The following ZBTB38 variants were observed in gnomAD, a reference collection of about 807,000 sequenced individuals.
ZBTB38 encodes zinc finger and BTB domain containing 38.
ZBTB38 carries 20 observed loss-of-function variants against 76.8 expected under a neutral mutation model. That is an observed-to-expected ratio of 0.26 (90% CI 0.18 to 0.38). The LOEUF (loss-of-function observed/expected upper bound fraction) is 0.38. Ranked by LOEUF, ZBTB38 falls within the 10% of genes least tolerant of loss-of-function variation. The probability of loss-of-function intolerance (pLI) is 1.00; values close to 1 mark genes in which losing one functional copy is unlikely to be tolerated. For synonymous variants in ZBTB38, 504 were observed against 544.2 expected (o/e 0.93, Z 1.03); for missense variants, 1,082 against 1,482.3 (o/e 0.73, Z 4.43).
intron 5 of ZBTB38, among the ~76,000 whole-genome samples, chr3:141,427,331 T>C (rs2076594244): frequency 6.6e-6 from 1 of 152,136 alleles, no homozygotes; most frequent in Non-Finnish European, 1.5e-5. Context: ...GAAGGAAAAG[T>C]ATGCTAAAAA....
chr3:141,351,474 T>C (rs893342512), intron 1 of ZBTB38, among the ~76,000 whole-genome samples: 1 of 151,910 alleles, frequency 6.6e-6, no homozygotes, highest in African/African-American at 2.4e-5. Context: ...GTTCCCTCCC[T>C]AGGACTTTGG....
intron 5 of ZBTB38, among the ~76,000 whole-genome samples, chr3:141,428,666 G>T (rs1281429281): frequency 6.6e-6 from 1 of 152,078 alleles, no homozygotes; most frequent in Admixed American, 6.6e-5. Context: ...AGTAGAGACG[G>T]GGTTTCACCA....
At chr3:141,401,348 T>G (rs1467804247) in intron 4 of ZBTB38, among the ~76,000 whole-genome samples, 1 of 151,640 alleles carries the variant, frequency 6.6e-6, no homozygotes, top group East Asian at 1.9e-4. Flanking sequence ...TGTGTATGCA[T>G]GTTGCCCAAA....
At chr3:141,433,959 T>C (rs549554590) in intron 5 of ZBTB38, among the ~76,000 whole-genome samples, 1 of 152,222 alleles carries the variant, frequency 6.6e-6, no homozygotes, top group Non-Finnish European at 1.5e-5. Flanking sequence ...CAATCCTACA[T>C]TCTTAGAACT....
In ZBTB38 at chr3:141,335,513, C is replaced by T. The variant is rs183595350; in HGVS notation, c.-739+11057C>T. 1.1e-3 allele frequency among the ~76,000 whole-genome samples: 160 copies of T among 152,322 alleles called. 2 individuals are homozygous for T. The highest frequency in any genetic ancestry group is 3.4e-3 in the Middle Eastern group (1 of 294). The stretch of plus-strand genomic sequence containing the variant: ...GAATGTTCCTCATAACTTTTCCCAG[C>T]CCTGGAGCACAGATAACCTACAAGA... On this transcript the variant is annotated intron_variant, in intron 1 of 7. Coordinates refer to the ZBTB38 transcript ENST00000509842.
intron 5 of ZBTB38, among the ~76,000 whole-genome samples, chr3:141,436,385 T>C (rs575664939): frequency 5.9e-5 from 9 of 152,300 alleles, no homozygotes; most frequent in African/African-American, 2.2e-4. Context: ...TGATAAATCC[T>C]TGGGCAGGCA....
intron 1 of ZBTB38, among the ~76,000 whole-genome samples, chr3:141,345,022 G>A (rs1453892211): frequency 6.6e-6 from 1 of 152,192 alleles, no homozygotes; most frequent in Admixed American, 6.5e-5. Context: ...TGAGAGGGGA[G>A]GCAGGCCTAT....
chr3:141,370,251 G>T (rs1576710416), intron 2 of ZBTB38, among the ~76,000 whole-genome samples: 1 of 152,196 alleles, frequency 6.6e-6, no homozygotes, highest in East Asian at 1.9e-4. Flanking sequence ...GCAGCATGTG[G>T]TTTTCAAGGT....
At chr3:141,409,595 A>T (rs1955944697) in intron 5 of ZBTB38, among the ~76,000 whole-genome samples, 1 of 152,222 alleles carries the variant, frequency 6.6e-6, no homozygotes, top group Non-Finnish European at 1.5e-5. Context: ...CTTAGTATCA[A>T]CTACGTGCCA....
intron 5 of ZBTB38, among the ~76,000 whole-genome samples, chr3:141,404,546 G>A (rs1213750006): frequency 1.3e-5 from 2 of 152,108 alleles, no homozygotes; most frequent in Non-Finnish European, 2.9e-5. Context: ...AAATATTGAC[G>A]GCCCAGCACA....
intron 5 of ZBTB38, chr3:141,431,575 C>T (rs946961508): frequency 6.6e-6 from 1 of 151,980 alleles, no homozygotes; most frequent in Admixed American, 6.6e-5. Flanking sequence ...ACCTTTTCCC[C>T]CTTTCATCTT....
chr3:141,438,060 C>T lies in ZBTB38; in HGVS notation c.1-4329C>T, dbSNP rs151154402. 1.7e-3 allele frequency among the ~76,000 whole-genome samples: 254 copies of T among 146,298 alleles called. 8 individuals are homozygous for T. In the South Asian group the frequency reaches 0.024, roughly 14 times the overall value. Reference sequence around the variant, plus strand: ...CCGAGTAGCTGGGACTACAGGCGCACGCCACTATGCCCAGCTGATTGAACG... The same window carrying T: ...CCGAGTAGCTGGGACTACAGGCGCATGCCACTATGCCCAGCTGATTGAACG... On this transcript the variant is annotated intron_variant, in intron 5 of 5. Coordinates refer to ENST00000321464, the MANE Select transcript of ZBTB38 (RefSeq NM_001376113.1).
rs1162650439 is a variant in ZBTB38, at chr3:141,443,417, T to C, written c.1029T>C (p.Asn343=). ...PAAEVPPLVY[N]CSCCSKAFDS... ...CAGAGGTTCCACCTCTGGTGTACAATTGTAGCTGCTGTTCCAAAGCCTTTG... is the reference window on the plus strand; with the variant it reads ...CAGAGGTTCCACCTCTGGTGTACAACTGTAGCTGCTGTTCCAAAGCCTTTG... The change falls in exon 6 of 6, where the codon AAT becomes AAC. Residue 343 remains asparagine (N), a synonymous_variant. Coordinates refer to ENST00000321464, the MANE Select transcript of ZBTB38 (RefSeq NM_001376113.1). This position sits in a 1 kb window ranked among gnomAD's most constrained non-coding sequence, Gnocchi z 5.6. 2 of 1,614,236 alleles carry C rather than the reference T, an allele frequency of 1.2e-6. No individual in the cohort carries two copies. Among genetic ancestry groups the C allele is most frequent in the Non-Finnish European group, 1.7e-6 (2 of 1,180,044 alleles).
rs968276328 is a variant in ZBTB38 at position 141,448,686 on chromosome 3, A to C, written c.*2710A>C. 2 of 152,226 alleles carry C rather than the reference A, an allele frequency of 1.3e-5. No homozygotes were observed. Among genetic ancestry groups the C allele is most frequent in the Non-Finnish European group, 2.9e-5 (2 of 68,038 alleles). 9.4% of individuals were successfully genotyped at this position (152,226 alleles called of 1,614,324 possible). A position where few individuals can be genotyped will look rare whatever the true frequency, so the allele number is the denominator to read the frequency against. On this transcript the variant is annotated 3_prime_UTR_variant, in exon 6 of 6. Coordinates refer to ENST00000321464, the MANE Select transcript of ZBTB38 (RefSeq NM_001376113.1). ...TATAAATTTGTTTTTGCTTGATTAA[A>C]ATAGCTTATTCCTACATTAAGTCTC... is the stretch of plus-strand genomic sequence containing the variant.
intron 1 of ZBTB38, among the ~76,000 whole-genome samples, chr3:141,349,894 A>C (rs1943471571): frequency 1.3e-5 from 2 of 152,340 alleles, no homozygotes; most frequent in Admixed American, 1.3e-4. Flanking sequence ...GGATGCAATG[A>C]AAAAAGAAAA....
intron 1 of ZBTB38, among the ~76,000 whole-genome samples, 171 bp from the exon 2 acceptor site, chr3:141,369,701 G>A (rs1944265401): frequency 6.6e-6 from 1 of 152,208 alleles, no homozygotes; most frequent in Non-Finnish European, 1.5e-5. Flanking sequence ...ACTGGGAGCG[G>A]GGAGGCGTAA....
At chr3:141,359,013 T>C (rs1179893992) in intron 1 of ZBTB38, among the ~76,000 whole-genome samples, 2 of 151,964 alleles carry the variant, frequency 1.3e-5, no homozygotes, top group African/African-American at 4.8e-5. Context: ...GTCATATGAG[T>C]GCTCAGTAAG....
chr3:141,412,064 C>T (rs1032153784), intron 5 of ZBTB38, among the ~76,000 whole-genome samples: 3 of 152,104 alleles, frequency 2.0e-5, no homozygotes, highest in Admixed American at 2.0e-4. Flanking sequence ...AAATAGTTGT[C>T]TTAACCTCCA....
At chr3:141,391,961 ATTC>A (rs1949005429) in intron 4 of ZBTB38, among the ~76,000 whole-genome samples, 1 of 152,202 alleles carries the variant, frequency 6.6e-6, no homozygotes, top group African/African-American at 2.4e-5. Context: ...TCTTTAAAAA[ATTC>A]TTCTTAAGAA....
Sources: gnomAD v4.1 joint callset for allele counts (sites outside exome capture counted in the v4.1 genomes callset) on GRCh38, gnomAD v4.1.1 for gene constraint, Gnocchi (gnomAD v3.1) non-coding constraint, MANE v1.5 for transcripts, NCBI Gene and HGNC (gene_info 2026-07-23, HGNC 2026-07-21) for gene names.